Variants in DIAPH1 observed in about 807,000 individuals in gnomAD.
The protein encoded by DIAPH1 is protein diaphanous homolog 1.
A neutral mutation model predicts 140.7 loss-of-function variants in DIAPH1; 46 were observed. The ratio of observed to expected loss-of-function variants is 0.33; its 90% CI spans 0.26 to 0.42. The LOEUF is 0.42. Among genes scored for constraint, DIAPH1 ranks in the 10% least tolerant of loss-of-function variants. The pLI, the probability that DIAPH1 is intolerant of heterozygous loss-of-function variation, is 1.00. For synonymous variants in DIAPH1, 565 were observed against 551.6 expected (o/e 1.02, Z -0.34); for missense variants, 1,310 against 1,558.7 (o/e 0.84, Z 2.69).
chr5:141,571,348 T>G (rs2099895151), intron 18 of DIAPH1, 80 bp downstream of exon 18: 4 of 1,243,582 alleles, frequency 3.2e-6, no homozygotes, highest in Non-Finnish European at 4.6e-6. Flanking sequence ...AGTTTTCTAA[T>G]GAGAAATTCC....
intron 18 of DIAPH1, among the ~76,000 whole-genome samples, chr5:141,541,056 G>A (rs2099889895): frequency 6.6e-6 from 1 of 152,010 alleles, no homozygotes; most frequent in Non-Finnish European, 1.5e-5. Flanking sequence ...TCAAATATAT[G>A]ATGGCAGCAA....
chr5:141,543,012 G>C (rs935303994), intron 18 of DIAPH1, among the ~76,000 whole-genome samples: 1 of 151,424 alleles, frequency 6.6e-6, no homozygotes, highest in Non-Finnish European at 1.5e-5. Context: ...GTATTTAGAA[G>C]ATGCATGCTG....
Position 141,574,048 on chromosome 5 carries a change from G to T in DIAPH1, c.1802C>A (p.Ala601Asp). ...AGGAGGAGTGGTACTATCCCCAGGA[G>T]CAGGTGGTGGTGGAATAATAGTGCC... is the stretch of plus-strand genomic sequence containing the variant. ...DSGTIIPPPP[A>D]PGDSTTPPPP... Residue 601 changes from alanine (A) to aspartate (D), a missense_variant, in exon 16 of 28, where the codon GCT becomes GAT. Ala to Asp is a moderately radical substitution (Grantham distance 126). Around this residue, in one of 3 missense-constraint regions of DIAPH1, gnomAD observed 589 missense variants for 549.3 expected, o/e 1.07. Coordinates refer to ENST00000389054, the MANE Select transcript of DIAPH1 (RefSeq NM_005219.5). 6.3e-7 allele frequency: 1 copy of T among 1,596,134 alleles called. No homozygotes were observed. Among genetic ancestry groups the T allele is most frequent in the South Asian group, 1.1e-5 (1 of 88,560 alleles).
intron 1 of DIAPH1, among the ~76,000 whole-genome samples, chr5:141,605,067 G>A (rs2099900726): frequency 6.6e-6 from 1 of 152,018 alleles, no homozygotes; most frequent in South Asian, 2.1e-4. Flanking sequence ...CATATATCAT[G>A]TACTGTTCTC....
In DIAPH1 at chr5:141,516,627, C is replaced by G. The variant is rs182541836; in HGVS notation, c.*224G>C. On this transcript the variant is annotated 3_prime_UTR_variant, in exon 28 of 28. Transcript: ENST00000389054. ...TTGGTAATACAACAGCCAGGGCTGG[C>G]TAAGTCGGGCTCAGGCCTCCCCTGC... 5 of 593,660 alleles carry G rather than the reference C, an allele frequency of 8.4e-6. No individual in the cohort carries two copies. The highest frequency in any genetic ancestry group is 1.5e-5 in the Non-Finnish European group (5 of 332,452). 36.8% of individuals were successfully genotyped at this position (593,660 alleles called of 1,614,324 possible). A position where few individuals can be genotyped will look rare whatever the true frequency, so the allele number is the denominator to read the frequency against.
Position 141,575,167 on chromosome 5 carries a change from G to A in DIAPH1, c.1462-21C>T, listed in dbSNP as rs781500981. ...TCCAACTAGAGAAAAAACGAATCAG[G>A]CTCCCAGCAAGCTCTCCATCTCAGT... is the stretch of plus-strand genomic sequence containing the variant. On this transcript the variant is annotated intron_variant, in intron 14 of 27. Transcript: ENST00000389054. 4 of 1,613,476 alleles carry A rather than the reference G, an allele frequency of 2.5e-6. No homozygotes were observed. The African/African-American group carries it at 4.0e-5, about 16-fold the overall frequency.
At chr5:141,577,623 A>G in intron 11 of DIAPH1, 32 bp from the exon 12 acceptor site, 1 of 1,336,478 alleles carries the variant, frequency 7.5e-7, no homozygotes, top group Non-Finnish European at 1.1e-6. Flanking sequence ...AGGAAAGCAA[A>G]TATGCAGAAA....
chr5:141,615,234 G>C (rs1396036293), intron 1 of DIAPH1, among the ~76,000 whole-genome samples: 2 of 144,308 alleles, frequency 1.4e-5, no homozygotes, highest in Admixed American at 1.4e-4. Context: ...AGGAATTTAA[G>C]ACCAGCCTGG....
At chr5:141,546,518 T>C (rs186057659) in intron 18 of DIAPH1, among the ~76,000 whole-genome samples, 10,765 of 152,054 alleles carry the variant, frequency 0.071, 514 homozygotes, top group South Asian at 0.12. Flanking sequence ...GAGTCGGGCA[T>C]GATGGCAGGT....
intron 19 of DIAPH1, 103 bp from the exon 20 acceptor site, chr5:141,529,800 T>C (rs1178846593): frequency 1.9e-6 from 2 of 1,029,548 alleles, no homozygotes; most frequent in Non-Finnish European, 3.0e-6. Context: ...AGGGCTCTTT[T>C]AGGCCAGGCA....
At position 141,527,609 on chromosome 5, in the gene DIAPH1, G is replaced by A. The variant is rs777308371; in HGVS notation, c.3237C>T (p.Ala1079=). ...CAACAAACTTGTCTTTTTCATCTGT[G>A]GCAGCTGGGAAATTCTGAACATCAC... ...VERDVQNFPA[A]TDEKDKFVEK... is the part of the protein sequence containing the mutation. Residue 1079 remains alanine (A), a synonymous_variant, in exon 24 of 28, where the codon GCC becomes GCT. Coordinates refer to ENST00000389054, the MANE Select transcript of DIAPH1 (RefSeq NM_005219.5). 2 of 1,611,752 alleles carry A rather than the reference G, an allele frequency of 1.2e-6. No individual in the cohort carries two copies. The highest frequency in any genetic ancestry group is 1.7e-6 in the Non-Finnish European group (2 of 1,179,510).
intron 19 of DIAPH1, among the ~76,000 whole-genome samples, chr5:141,533,316 C>T (rs929310976): frequency 5.9e-5 from 9 of 152,052 alleles, no homozygotes; most frequent in Non-Finnish European, 1.3e-4. Context: ...TTAAAAAGAA[C>T]AAAAATTTAA....
At chr5:141,533,828 C>T (rs950859187) in intron 19 of DIAPH1, among the ~76,000 whole-genome samples, 1 of 151,996 alleles carries the variant, frequency 6.6e-6, no homozygotes, top group Admixed American at 6.6e-5. Context: ...CACCTGAGCC[C>T]AGGAGTTTGA....
At chr5:141,605,485 T>C (rs187614373) in intron 1 of DIAPH1, among the ~76,000 whole-genome samples, 1 of 152,198 alleles carries the variant, frequency 6.6e-6, no homozygotes, top group Non-Finnish European at 1.5e-5. Context: ...CATCATCCAA[T>C]TACCATAGGC....
In DIAPH1 at chr5:141,572,023, G is replaced by A; in HGVS notation, c.2376C>T (p.Leu792=). The stretch of plus-strand genomic sequence containing the variant: ...CCTTTGTCCAGAAGCAGTCCTGGGA[G>A]AGGTCCTCAGCCACAAGCTGTGGAT... ...PNWSKLVAED[L]SQDCFWTKVK... Residue 792 remains leucine, a synonymous_variant, in exon 17 of 28, where the codon CTC becomes CTT. Coordinates refer to ENST00000389054, the MANE Select transcript of DIAPH1 (RefSeq NM_005219.5). The A allele has an allele frequency of 1.2e-6, 2 of 1,613,932 alleles. No homozygotes were observed. Among genetic ancestry groups the A allele is most frequent in the South Asian group, 2.2e-5 (2 of 91,076 alleles).
chr5:141,566,185 A>G (rs899767692), intron 18 of DIAPH1, among the ~76,000 whole-genome samples: 29 of 152,142 alleles, frequency 1.9e-4, no homozygotes, highest in Non-Finnish European at 1.8e-4. Flanking sequence ...AAAAAGATAG[A>G]ACCTGGGTGG....
chr5:141,584,736 CT>C (rs147330211), intron 3 of DIAPH1, among the ~76,000 whole-genome samples: 3,473 of 152,282 alleles, frequency 0.023, 54 homozygotes, highest in East Asian at 0.046. Context: ...CAGAGGCCCC[CT>C]GACAGACATA....
At chr5:141,548,589 C>A (rs2099891182) in intron 18 of DIAPH1, among the ~76,000 whole-genome samples, 1 of 152,082 alleles carries the variant, frequency 6.6e-6, no homozygotes. Flanking sequence ...CATAACAGAG[C>A]TAAAATGTTC....
chr5:141,536,781 T>C (rs2099889083), intron 18 of DIAPH1, among the ~76,000 whole-genome samples: 1 of 151,922 alleles, frequency 6.6e-6, no homozygotes, highest in Non-Finnish European at 1.5e-5. Context: ...GGATGTGTTG[T>C]TGAAGGAGGA....
Sources: gnomAD v4.1 joint callset for allele counts (sites outside exome capture counted in the v4.1 genomes callset) on GRCh38, gnomAD v4.1.1 for gene constraint, gnomAD v4.1.1 regional missense constraint, MANE v1.5 for transcripts, NCBI Gene and HGNC (gene_info 2026-07-23, HGNC 2026-07-21) for gene names.